The following DPP6 variants were observed in gnomAD, a reference collection of about 807,000 sequenced individuals.
The protein encoded by DPP6 is A-type potassium channel modulatory protein DPP6.
Under a neutral mutation model 122.6 loss-of-function variants are expected in DPP6, and 69 were observed. The observed-to-expected ratio is 0.56, with a 90% confidence interval of 0.46 to 0.69. The LOEUF (loss-of-function observed/expected upper bound fraction) is 0.69, where lower values mean the gene tolerates loss of function less well. Ranked by LOEUF, DPP6 falls within the 30% of genes least tolerant of loss-of-function variation. The pLI is 0.00. For missense variants in DPP6, 928 were observed against 1,116.9 expected, an observed-to-expected ratio of 0.83 and a Z score of 2.41; for synonymous variants, 418 against 433.1, an observed-to-expected ratio of 0.97 and a Z score of 0.43.
At chr7:154,258,869 G>A (rs1306519300) in intron 1 of DPP6, among the ~76,000 whole-genome samples, 1 of 152,188 alleles carries the variant, frequency 6.6e-6, no homozygotes, top group South Asian at 2.1e-4. Flanking sequence ...AGTAAAAATC[G>A]GTAGCATAGT....
intron 8 of DPP6, among the ~76,000 whole-genome samples, chr7:154,743,451 T>G (rs1842904002): frequency 6.6e-6 from 1 of 152,136 alleles, no homozygotes; most frequent in Non-Finnish European, 1.5e-5. Context: ...CACATAATGC[T>G]TAGTCATTTG....
intron 3 of DPP6, among the ~76,000 whole-genome samples, chr7:154,507,488 A>T (rs1053963203): frequency 9.2e-5 from 14 of 152,158 alleles, no homozygotes; most frequent in Admixed American, 9.2e-4. Flanking sequence ...GTTTTAAGTC[A>T]AAGTGAGATG....
At chr7:154,679,811 A>G (rs956037235) in intron 7 of DPP6, among the ~76,000 whole-genome samples, 1 of 152,160 alleles carries the variant, frequency 6.6e-6, no homozygotes, top group Non-Finnish European at 1.5e-5. Flanking sequence ...TTAATATCCC[A>G]CGGATGGAAA....
chr7:154,380,625 T>C (rs1813512709), intron 1 of DPP6, among the ~76,000 whole-genome samples: 1 of 152,234 alleles, frequency 6.6e-6, no homozygotes, highest in South Asian at 2.1e-4. Context: ...TTCTCTTTGC[T>C]CCAGTGCTAT....
At chr7:154,631,096 G>A (rs1835381735) in intron 5 of DPP6, among the ~76,000 whole-genome samples, 1 of 152,182 alleles carries the variant, frequency 6.6e-6, no homozygotes, top group South Asian at 2.1e-4. Context: ...GAACTCAGAA[G>A]ATACATGAAG....
intron 5 of DPP6, among the ~76,000 whole-genome samples, chr7:154,620,113 A>AC (rs1834540226): frequency 6.6e-6 from 1 of 152,132 alleles, no homozygotes; most frequent in African/African-American, 2.4e-5. Flanking sequence ...CTCTGCACAG[A>AC]CCCCAGCTCC....
chr7:153,953,987 C>T (rs1045895865), intron 1 of DPP6, among the ~76,000 whole-genome samples: 1 of 152,162 alleles, frequency 6.6e-6, no homozygotes, highest in Non-Finnish European at 1.5e-5. Flanking sequence ...TCAGTTTTTG[C>T]TCTTAAGGCC....
intron 1 of DPP6, among the ~76,000 whole-genome samples, chr7:154,259,000 T>C (rs1802832232): frequency 6.6e-6 from 1 of 151,972 alleles, no homozygotes; most frequent in Non-Finnish European, 1.5e-5. Context: ...TAGTTGTGAG[T>C]GTTTGGGAAG....
At chr7:154,431,442 CTTTCTTTTCTTTTCT>C (rs372693484) in intron 1 of DPP6, among the ~76,000 whole-genome samples, 6,823 of 121,466 alleles carry the variant, frequency 0.056, 475 homozygotes, top group Non-Finnish European at 0.07. Context: ...TTTTTCTTTC[CTTTCTTTTCTTTTCT>C]TTTCTTTTCT....
intron 5 of DPP6, among the ~76,000 whole-genome samples, chr7:154,570,406 C>A (rs1204778459): frequency 6.6e-6 from 1 of 151,888 alleles, no homozygotes; most frequent in African/African-American, 2.4e-5. Flanking sequence ...TACTCAAAGA[C>A]AGGGACAGGT....
intron 1 of DPP6, among the ~76,000 whole-genome samples, chr7:153,965,637 C>T (rs58988345): frequency 1.3e-5 from 2 of 152,228 alleles, no homozygotes; most frequent in East Asian, 1.9e-4. Context: ...CTCAGCCTCC[C>T]GAGTAGCTGG....
intron 1 of DPP6, among the ~76,000 whole-genome samples, chr7:154,437,408 G>C (rs187779460): frequency 6.6e-6 from 1 of 152,078 alleles, no homozygotes; most frequent in Non-Finnish European, 1.5e-5. Context: ...ACATTCTGCC[G>C]TGCCAACTGT....
At chr7:154,002,972 C>T (rs1379749188) in intron 1 of DPP6, among the ~76,000 whole-genome samples, 1 of 151,980 alleles carries the variant, frequency 6.6e-6, no homozygotes. Context: ...TTCCCTCATG[C>T]GTTTTGGAGC....
At chr7:154,825,655 C>T (rs1006220381) in intron 16 of DPP6, among the ~76,000 whole-genome samples, 1 of 152,196 alleles carries the variant, frequency 6.6e-6, no homozygotes, top group Non-Finnish European at 1.5e-5. Context: ...TTGCGCATGG[C>T]TAGTTAAGAG....
Position 154,096,974 on chromosome 7 carries a change from C to T in DPP6, c.243+43911C>T, listed in dbSNP as rs561557084. 2.3e-3 allele frequency among the ~76,000 whole-genome samples: 357 copies of T among 152,300 alleles called. 5 individuals are homozygous for T. Among genetic ancestry groups the T allele is most frequent in the African/African-American group, 8.2e-3 (342 of 41,560 alleles). On this transcript the variant is annotated intron_variant, in intron 1 of 25. Coordinates refer to ENST00000377770, the MANE Select transcript of DPP6 (RefSeq NM_130797.4). ...TGGATCAGACTCTGAGAGGAAAGAC[C>T]CACGGTTTTGTTGGGTATTCACCGT...
At chr7:154,653,562 T>C (rs1837023263) in intron 6 of DPP6, among the ~76,000 whole-genome samples, 1 of 152,114 alleles carries the variant, frequency 6.6e-6, no homozygotes, top group South Asian at 2.1e-4. Context: ...AGATAATAAA[T>C]CAATCCATTA....
intron 1 of DPP6, among the ~76,000 whole-genome samples, chr7:153,931,015 ACAG>A (rs1033590232): frequency 6.6e-6 from 1 of 152,234 alleles, no homozygotes; most frequent in African/African-American, 2.4e-5. Context: ...AATATTTTGA[ACAG>A]CAGCATTATT....
chr7:154,308,350 T>A (rs1048513049), intron 1 of DPP6, among the ~76,000 whole-genome samples: 4 of 152,214 alleles, frequency 2.6e-5, no homozygotes, highest in Admixed American at 2.6e-4. Flanking sequence ...TTGGGATTTT[T>A]GGTTTGTTTT....
At chr7:154,186,253 A>G (rs1279264675) in intron 1 of DPP6, among the ~76,000 whole-genome samples, 4 of 152,234 alleles carry the variant, frequency 2.6e-5, no homozygotes, top group Non-Finnish European at 5.9e-5. Context: ...GGACTCTGAC[A>G]ATGTCTTGTT....
Sources: allele counts gnomAD v4.1 joint callset (sites outside exome capture counted in the v4.1 genomes callset), GRCh38; gene constraint gnomAD v4.1.1; transcripts MANE v1.5; gene names NCBI Gene and HGNC (gene_info 2026-07-23, HGNC 2026-07-21).